Variants in CACNA1E observed in about 807,000 individuals in gnomAD.
CACNA1E encodes the protein voltage-dependent R-type calcium channel subunit alpha-1E.
In CACNA1E, 40 loss-of-function variants were observed where a neutral mutation model predicts 259.2. That is an observed-to-expected ratio of 0.15 (90% CI 0.12 to 0.20). CACNA1E has a LOEUF of 0.20. CACNA1E is among the 10% of genes least tolerant of loss of function. CACNA1E has a pLI of 1.00. For synonymous variants in CACNA1E, 1,104 were observed against 1,138.5 expected, an observed-to-expected ratio of 0.97 and a Z score of 0.61; for missense variants, 1,874 against 3,040.1, an observed-to-expected ratio of 0.62 and a Z score of 9.02.
chr1:181,678,025 A>T lies in CACNA1E; in HGVS notation c.1055+26584A>T, dbSNP rs78736604. 9.0e-3 allele frequency among the ~76,000 whole-genome samples: 1,369 copies of T among 152,324 alleles called. 17 individuals carry two copies. The highest frequency in any genetic ancestry group is 0.032 in the African/African-American group (1,318 of 41,558). On this transcript the variant is annotated intron_variant, in intron 7 of 47. Transcript: ENST00000367573. Reference sequence around the variant, plus strand: ...GTGGGTGCTGGATGGAGGGGGCAGGATGACCATGCGGGACATAGTATTTGG... The same window carrying T: ...GTGGGTGCTGGATGGAGGGGGCAGGTTGACCATGCGGGACATAGTATTTGG...
chr1:181,383,276 A>G (rs1655599975), intron 1 of CACNA1E, among the ~76,000 whole-genome samples: 1 of 152,222 alleles, frequency 6.6e-6, no homozygotes, highest in Non-Finnish European at 1.5e-5. Flanking sequence ...TAGCTCATGC[A>G]TATAGCACAG....
intron 3 of CACNA1E, among the ~76,000 whole-genome samples, chr1:181,569,103 CT>C (rs1347263888): frequency 3.3e-5 from 5 of 152,250 alleles, no homozygotes; most frequent in Non-Finnish European, 7.3e-5. Context: ...TCATCTGCCA[CT>C]TCCACAGTGA....
In CACNA1E at chr1:181,436,019, A is replaced by G. The variant is rs543033864; in HGVS notation, c.434+22439A>G. Among the ~76,000 whole-genome samples the G allele has an allele frequency of 2.6e-5, 4 of 152,360 alleles. No individual in the cohort carries two copies. In the South Asian group the frequency reaches 8.3e-4, roughly 32 times the overall value. ...ATATGAGGAACTCAAACGACTTAAGAGCAAGAAAACAAATAACCCTATTAA... is the reference window on the plus strand; with the variant it reads ...ATATGAGGAACTCAAACGACTTAAGGGCAAGAAAACAAATAACCCTATTAA... On this transcript the variant is annotated intron_variant, in intron 2 of 11. Transcript: ENST00000524607.
intron 2 of CACNA1E, among the ~76,000 whole-genome samples, chr1:181,470,959 C>T (rs1272528195): frequency 1.3e-5 from 2 of 152,206 alleles, no homozygotes; most frequent in African/African-American, 4.8e-5. Context: ...AATTTATAAA[C>T]AGCATAAACT....
At chr1:181,369,870 G>A (rs1654552701) in intron 1 of CACNA1E, among the ~76,000 whole-genome samples, 1 of 152,064 alleles carries the variant, frequency 6.6e-6, no homozygotes, top group Non-Finnish European at 1.5e-5. Flanking sequence ...GTGTGTCATG[G>A]GGGTTTGAGG....
chr1:181,432,602 A>G (rs673236), intron 2 of CACNA1E, among the ~76,000 whole-genome samples: 28,749 of 152,154 alleles, frequency 0.19, 2,853 homozygotes, highest in South Asian at 0.31. Flanking sequence ...CAAATATGTC[A>G]TTTAAATGCT....
rs552900430 is a variant in CACNA1E, at chr1:181,579,961, CT to C, written c.770-633del. On this transcript the variant is annotated intron_variant, in intron 5 of 47. Coordinates refer to ENST00000367573, the MANE Select transcript of CACNA1E (RefSeq NM_001205293.3). The stretch of plus-strand genomic sequence containing the variant: ...TTGTTAGGGTACACAACCCCAAATT[CT>C]CATATCTTTGTATTTCATTTGTTCT... 8.5e-5 allele frequency among the ~76,000 whole-genome samples: 13 copies of C among 152,280 alleles called. No homozygotes were observed. The South Asian group carries it at 2.7e-3, about 32-fold the overall frequency.
chr1:181,399,695 A>G (rs1451658872), intron 1 of CACNA1E, among the ~76,000 whole-genome samples: 1 of 152,276 alleles, frequency 6.6e-6, no homozygotes, highest in East Asian at 1.9e-4. Context: ...CATGTTCAGC[A>G]TTAACACCTG....
At chr1:181,507,536 G>A (rs181812123) in intron 1 of CACNA1E, among the ~76,000 whole-genome samples, 2 of 152,330 alleles carry the variant, frequency 1.3e-5, no homozygotes, top group East Asian at 3.9e-4. Flanking sequence ...AGGGGATATT[G>A]TGAGTGGAGA....
At chr1:181,606,616 G>A (rs1654263562) in intron 6 of CACNA1E, among the ~76,000 whole-genome samples, 1 of 152,164 alleles carries the variant, frequency 6.6e-6, no homozygotes, top group Non-Finnish European at 1.5e-5. Context: ...CAATGCAAAT[G>A]TCCTATGTCA....
Position 181,435,131 on chromosome 1 carries a change from A to G in CACNA1E, c.434+21551A>G, listed in dbSNP as rs74425824. On this transcript the variant is annotated intron_variant, in intron 2 of 11. Coordinates refer to the CACNA1E transcript ENST00000524607. ...AACCATCATAAGCCCAGGACTGTCT[A>G]TATTTATAACACAGGAGTTTATAGC... Among the ~76,000 whole-genome samples the G allele has an allele frequency of 9.5e-4, 144 of 152,340 alleles. 4 individuals are homozygous for G. In the East Asian group the frequency reaches 0.024, roughly 26 times the overall value.
intron 6 of CACNA1E, among the ~76,000 whole-genome samples, chr1:181,591,069 G>A (rs766872028): frequency 1.3e-5 from 2 of 152,168 alleles, no homozygotes; most frequent in East Asian, 1.9e-4. Context: ...ACCTTCCACT[G>A]TAAAGAAAGG....
intron 1 of CACNA1E, among the ~76,000 whole-genome samples, chr1:181,394,263 T>A (rs1345993625): frequency 3.9e-5 from 6 of 152,226 alleles, no homozygotes; most frequent in Admixed American, 3.9e-4. Context: ...CTGAGCCTTG[T>A]AAAATGGGAG....
chr1:181,478,615 C>T (rs903498705), upstream of CACNA1E, among the ~76,000 whole-genome samples: 1 of 152,004 alleles, frequency 6.6e-6, no homozygotes, highest in Non-Finnish European at 1.5e-5. Flanking sequence ...ATAACTTAAG[C>T]ATAAGCTATC....
At chr1:181,356,230 C>G (rs1447296001) in intron 1 of CACNA1E, among the ~76,000 whole-genome samples, 2 of 152,000 alleles carry the variant, frequency 1.3e-5, no homozygotes, top group African/African-American at 2.4e-5. Flanking sequence ...GTACTTGGAG[C>G]CGAGTTATTT....
intron 1 of CACNA1E, among the ~76,000 whole-genome samples, chr1:181,412,283 C>T (rs1008881247): frequency 3.5e-4 from 53 of 152,188 alleles, no homozygotes; most frequent in African/African-American, 1.3e-3. Flanking sequence ...AAGAAGAGTT[C>T]TCCTTAGGCT....
At chr1:181,512,444 T>G (rs1166263925) in intron 3 of CACNA1E, among the ~76,000 whole-genome samples, 3 of 151,986 alleles carry the variant, frequency 2.0e-5, no homozygotes, top group Non-Finnish European at 2.9e-5. Context: ...TGACTTAGAA[T>G]GGCAGGGAAG....
intron 2 of CACNA1E, among the ~76,000 whole-genome samples, chr1:181,476,444 C>A (rs947648535): frequency 6.6e-6 from 1 of 152,152 alleles, no homozygotes; most frequent in Admixed American, 6.5e-5. Flanking sequence ...GAATCTTATT[C>A]TCTTTCTCTG....
intron 3 of CACNA1E, among the ~76,000 whole-genome samples, chr1:181,536,574 C>G (rs1010710589): frequency 6.6e-6 from 1 of 152,196 alleles, no homozygotes; most frequent in African/African-American, 2.4e-5. Context: ...TTTGTTCTCT[C>G]TCTCTCCGTG....
Sources: allele counts gnomAD v4.1 joint callset (sites outside exome capture counted in the v4.1 genomes callset), GRCh38; gene constraint gnomAD v4.1.1; transcripts MANE v1.5; gene names NCBI Gene and HGNC (gene_info 2026-07-23, HGNC 2026-07-21).